IL1RAPL1: variants seen among roughly 807,000 people sequenced by gnomAD.
The protein encoded by IL1RAPL1 is interleukin 1 receptor accessory protein like 1, also known as interleukin-1 receptor accessory protein-like 1.
IL1RAPL1 carries 3 observed loss-of-function variants against 48.4 expected under a neutral mutation model. The ratio of observed to expected loss-of-function variants is 0.06; its 90% CI spans 0.03 to 0.16. The LOEUF (loss-of-function observed/expected upper bound fraction) is 0.16. Ranked by LOEUF, IL1RAPL1 falls within the 10% of genes least tolerant of loss-of-function variation. IL1RAPL1 has a pLI of 1.00. For missense variants in IL1RAPL1, 349 were observed against 530.6 expected (o/e 0.66, Z 3.36); for synonymous variants, 185 against 187.7 (o/e 0.99, Z 0.12).
chrX:29,905,232 AAATTTGTTT>A (rs1357031547), intron 6 of IL1RAPL1, among the ~76,000 whole-genome samples: 2 of 109,166 alleles, frequency 1.8e-5, no homozygotes, highest in Non-Finnish European at 3.8e-5. Flanking sequence ...TTTTTCTTGT[AAATTTGTTT>A]AAGTTCCTTG....
intron 5 of IL1RAPL1, among the ~76,000 whole-genome samples, chrX:29,535,842 G>T (rs1256163317): frequency 1.8e-5 from 2 of 111,754 alleles, no homozygotes; most frequent in Non-Finnish European, 3.8e-5. Context: ...TGTTAGAATG[G>T]GCTATTTACT....
At chrX:29,693,776 T>G (rs1178558139) in intron 6 of IL1RAPL1, among the ~76,000 whole-genome samples, 1 of 111,672 alleles carries the variant, frequency 9.0e-6, no homozygotes, top group Non-Finnish European at 1.9e-5. Flanking sequence ...AATGGTCACT[T>G]TTTAACACCT....
intron 1 of IL1RAPL1, among the ~76,000 whole-genome samples, chrX:28,715,864 C>A (rs1935498138): frequency 9.0e-6 from 1 of 111,470 alleles, no homozygotes; most frequent in African/African-American, 3.3e-5. Flanking sequence ...CAAAACCCTG[C>A]AGAGACACAA....
At chrX:29,458,922 G>C (rs1934771767) in intron 5 of IL1RAPL1, among the ~76,000 whole-genome samples, 1 of 111,651 alleles carries the variant, frequency 9.0e-6, no homozygotes, top group African/African-American at 3.3e-5. Context: ...TGTGGTTTCT[G>C]TCACAACTAT....
intron 2 of IL1RAPL1, among the ~76,000 whole-genome samples, chrX:28,978,456 C>T (rs377348704): frequency 1.8e-5 from 2 of 111,926 alleles, no homozygotes; most frequent in South Asian, 3.7e-4. Flanking sequence ...GGTTCTCAAA[C>T]GTTGCTACAT....
In IL1RAPL1 at chrX:29,331,318, GGCCATT is replaced by G. The variant is rs769231298; in HGVS notation, c.362+48104_362+48109del. ...ACACTGCCTCATCTATTCTGCTTGTGGCCATTGCTCTGCCTCTCTCAGGTGTGAGGT... is the reference window on the plus strand; with the variant it reads ...ACACTGCCTCATCTATTCTGCTTGTGGCTCTGCCTCTCTCAGGTGTGAGGT... On this transcript the variant is annotated intron_variant, in intron 3 of 10. Coordinates refer to ENST00000378993, the MANE Select transcript of IL1RAPL1 (RefSeq NM_014271.4). Among the ~76,000 whole-genome samples the G allele has an allele frequency of 4.3e-4, 47 of 110,510 alleles. No homozygotes were observed. The East Asian group carries it at 0.011, about 26-fold the overall frequency.
chrX:29,289,939 A>G (rs1464562075), intron 3 of IL1RAPL1, among the ~76,000 whole-genome samples: 2 of 111,893 alleles, frequency 1.8e-5, no homozygotes, highest in African/African-American at 6.5e-5. Flanking sequence ...TGACATATCT[A>G]TAATGTGTTA....
intron 2 of IL1RAPL1, among the ~76,000 whole-genome samples, chrX:29,270,394 T>C (rs1288634515): frequency 8.9e-6 from 1 of 111,975 alleles, no homozygotes; most frequent in Non-Finnish European, 1.9e-5. Flanking sequence ...TTTCTAAAAG[T>C]TTTATGGTTT....
chrX:28,873,971 A>T (rs891312377), intron 2 of IL1RAPL1, among the ~76,000 whole-genome samples: 2 of 82,765 alleles, frequency 2.4e-5, no homozygotes, highest in African/African-American at 5.8e-5. Flanking sequence ...CTTCTCCAGT[A>T]AAAAAAAAAA....
At chrX:29,733,167 C>G (rs1927963395) in intron 6 of IL1RAPL1, among the ~76,000 whole-genome samples, 2 of 111,640 alleles carry the variant, frequency 1.8e-5, no homozygotes, top group African/African-American at 6.5e-5. Context: ...AAATTAATCA[C>G]TTTCCCTCTG....
chrX:29,787,497 C>G (rs1260338790), intron 6 of IL1RAPL1, among the ~76,000 whole-genome samples: 2 of 111,541 alleles, frequency 1.8e-5, no homozygotes, highest in Non-Finnish European at 3.8e-5. Flanking sequence ...TTTTGAATAC[C>G]TAGTAGAGGA....
At chrX:29,002,916 T>TAC (rs371924976) in intron 2 of IL1RAPL1, among the ~76,000 whole-genome samples, 45,129 of 102,598 alleles carry the variant, frequency 0.44, 7,791 homozygotes, top group East Asian at 0.52. Flanking sequence ...GTTATGTGTG[T>TAC]ACACACACAC....
chrX:28,648,605 A>C (rs1934643843), intron 1 of IL1RAPL1, among the ~76,000 whole-genome samples: 1 of 111,936 alleles, frequency 8.9e-6, no homozygotes, highest in African/African-American at 3.2e-5. Flanking sequence ...TTTATTGAGA[A>C]TTGGAAGTTT....
intron 2 of IL1RAPL1, among the ~76,000 whole-genome samples, chrX:29,122,172 T>G (rs1928800323): frequency 9.0e-6 from 1 of 111,216 alleles, no homozygotes; most frequent in Admixed American, 9.7e-5. Context: ...ATTTAAACTC[T>G]TAAAAAGTCA....
At chrX:28,812,930 T>C (rs1404452685) in intron 2 of IL1RAPL1, among the ~76,000 whole-genome samples, 1 of 110,968 alleles carries the variant, frequency 9.0e-6, no homozygotes, top group Non-Finnish European at 1.9e-5. Flanking sequence ...TTTTCTGTAT[T>C]AACATACTTG....
intron 6 of IL1RAPL1, among the ~76,000 whole-genome samples, chrX:29,900,751 C>T (rs944108549): frequency 9.0e-6 from 1 of 111,267 alleles, no homozygotes; most frequent in Admixed American, 9.6e-5. Flanking sequence ...AGGAGATAAA[C>T]GTGGTTTTTG....
intron 5 of IL1RAPL1, among the ~76,000 whole-genome samples, chrX:29,404,515 G>A (rs56123028): frequency 0.11 from 11,804 of 110,735 alleles, 934 homozygotes; most frequent in African/African-American, 0.28. Flanking sequence ...AAAAAACGCT[G>A]TGTAGTACAG....
At position 29,056,864 on chromosome X, in the gene IL1RAPL1, T is replaced by C. The variant is rs190590479; in HGVS notation, c.83-226074T>C. Among the ~76,000 whole-genome samples the C allele has an allele frequency of 6.5e-3, 728 of 112,429 alleles. 8 individuals carry two copies. The highest frequency in any genetic ancestry group is 0.022 in the African/African-American group (696 of 31,023). The stretch of plus-strand genomic sequence containing the variant: ...AAGCCCGTAAGAGCATTTTAAAATC[T>C]GATACATCTGAGCAGAAACTTTTGG... On this transcript the variant is annotated intron_variant, in intron 2 of 10. Transcript: ENST00000378993.
chrX:29,078,298 AAAAAAAC>A (rs1327169934), intron 2 of IL1RAPL1, among the ~76,000 whole-genome samples: 3 of 104,331 alleles, frequency 2.9e-5, no homozygotes, highest in African/African-American at 1.1e-4. Flanking sequence ...AAACAAAACA[AAAAAAAC>A]AAAAACAAAA....
Sources: allele counts gnomAD v4.1 joint callset (sites outside exome capture counted in the v4.1 genomes callset), GRCh38; gene constraint gnomAD v4.1.1; transcripts MANE v1.5; gene names NCBI Gene and HGNC (gene_info 2026-07-23, HGNC 2026-07-21).